CHL1: variants seen among roughly 807,000 people sequenced by gnomAD.
CHL1 encodes cell adhesion molecule L1 like, also known as neural cell adhesion molecule L1-like protein.
CHL1 carries 96 observed loss-of-function variants against 141.9 expected under a neutral mutation model. That is an observed-to-expected ratio of 0.68 (90% confidence interval 0.57 to 0.80). CHL1 has a LOEUF of 0.80. Among genes scored for constraint, CHL1 ranks in the 30% least tolerant of loss-of-function variants. The pLI, the probability that CHL1 is intolerant of heterozygous loss-of-function variation, is 0.00. For missense variants in CHL1, 1,820 were observed against 1,457.2 expected (o/e 1.25, Z -4.05); for synonymous variants, 613 against 502.2 (o/e 1.22, Z -2.95).
intron 2 of CHL1, among the ~76,000 whole-genome samples, chr3:287,266 G>C (rs989708801): frequency 6.6e-6 from 1 of 151,896 alleles, no homozygotes; most frequent in African/African-American, 2.4e-5. Flanking sequence ...AATTCTAGTA[G>C]GTCAGTGAAG....
chr3:360,799 A>T lies in CHL1; in HGVS notation c.1306+375A>T, dbSNP rs555388964. Reference sequence around the variant, plus strand: ...ATGTTCCCCTTCCTGTGTCCATGTGATCTCATTGTTCAATTCCCACCTATG... The same window carrying T: ...ATGTTCCCCTTCCTGTGTCCATGTGTTCTCATTGTTCAATTCCCACCTATG... On this transcript the variant is annotated intron_variant, in intron 12 of 27. Coordinates refer to ENST00000256509, the MANE Select transcript of CHL1 (RefSeq NM_006614.4). 7.6e-3 allele frequency among the ~76,000 whole-genome samples: 987 copies of T among 130,470 alleles called. 15 individuals carry two copies. Among genetic ancestry groups the T allele is most frequent in the African/African-American group, 0.028 (932 of 33,304 alleles). 85.6% of individuals were successfully genotyped at this position (130,470 alleles called of 152,430 possible).
chr3:357,230 C>G (rs886712757), intron 11 of CHL1, among the ~76,000 whole-genome samples: 1 of 152,180 alleles, frequency 6.6e-6, no homozygotes, highest in African/African-American at 2.4e-5. Context: ...GCCCTGCAAA[C>G]AGGTCGTAAA....
chr3:336,672 C>T (rs1441818236), intron 5 of CHL1, among the ~76,000 whole-genome samples: 1 of 152,138 alleles, frequency 6.6e-6, no homozygotes, highest in Non-Finnish European at 1.5e-5. Context: ...GGGCTAGAAC[C>T]TAGTTTATGC....
intron 16 of CHL1, among the ~76,000 whole-genome samples, chr3:380,092 A>C (rs1307336737): frequency 6.6e-6 from 1 of 152,220 alleles, no homozygotes; most frequent in East Asian, 1.9e-4. Flanking sequence ...TATCAGATGC[A>C]ATACACAGCC....
At position 406,112 on chromosome 3, in the gene CHL1, G is replaced by C. The variant is rs1323849994; in HGVS notation, c.*401G>C. On this transcript the variant is annotated 3_prime_UTR_variant, in exon 28 of 28. Coordinates refer to ENST00000256509, the MANE Select transcript of CHL1 (RefSeq NM_006614.4). ...TATACAGTCTCTGAGAACTGGCTTG[G>C]TGACTTTGCTTCACTACAGGTTAAA... The C allele has an allele frequency of 2.5e-5, 4 of 158,842 alleles. No homozygotes were observed. Among genetic ancestry groups the C allele is most frequent in the African/African-American group, 9.6e-5 (4 of 41,502 alleles). The allele number at this position is 158,842 out of a possible 1,614,324, so 9.8% of individuals were successfully genotyped here.
intron 5 of CHL1, among the ~76,000 whole-genome samples, chr3:337,180 C>CTTTTTTTTTTTTTTTTTTTTTTTTTTTTT (rs1490013935): frequency 8.8e-6 from 1 of 113,288 alleles, no homozygotes. Flanking sequence ...TCCAAACATT[C>CTTTTTTTTTTTTTTTTTTTTTTTTTTTTT]TTTTGTTTTT....
In CHL1 at chr3:360,353, C is replaced by T. The variant is rs1211453174; in HGVS notation, c.1235C>T (p.Thr412Ile). 5.0e-6 allele frequency: 8 copies of T among 1,613,740 alleles called. No individual in the cohort carries two copies. The highest frequency in any genetic ancestry group is 6.8e-6 in the Non-Finnish European group (8 of 1,179,730). ...ISFTNLQPNH[T>I]AVYQCEASNV... is the part of the protein sequence containing the mutation. ...TTTACCAACCTTCAACCAAATCATACTGCTGTGTACCAGTGTGAAGCCTCA... is the reference window on the plus strand; with the variant it reads ...TTTACCAACCTTCAACCAAATCATATTGCTGTGTACCAGTGTGAAGCCTCA... The change falls in exon 12 of 28, where the codon ACT becomes ATT. Residue 412 changes from threonine (T) to isoleucine (I), a missense_variant. Thr to Ile is a moderately conservative substitution (Grantham distance 89, BLOSUM62 -1). Transcript: ENST00000256509.
At chr3:227,302 A>G (rs1283004990) in intron 1 of CHL1, among the ~76,000 whole-genome samples, 3 of 152,236 alleles carry the variant, frequency 2.0e-5, no homozygotes, top group Non-Finnish European at 1.5e-5. Context: ...ATTCTAGTGA[A>G]GGAAATCCAA....
At chr3:378,962 A>T (rs549829003) in intron 16 of CHL1, among the ~76,000 whole-genome samples, 2 of 152,174 alleles carry the variant, frequency 1.3e-5, no homozygotes, top group Admixed American at 1.3e-4. Flanking sequence ...ACAGCTACAG[A>T]CATTTGTTCT....
intron 15 of CHL1, among the ~76,000 whole-genome samples, chr3:374,556 C>A (rs1706063159): frequency 6.6e-6 from 1 of 152,166 alleles, no homozygotes; most frequent in African/African-American, 2.4e-5. Flanking sequence ...TTTTACAGTT[C>A]CTGCAGGATC....
At chr3:371,201 G>A (rs897973526) in intron 15 of CHL1, among the ~76,000 whole-genome samples, 3 of 152,096 alleles carry the variant, frequency 2.0e-5, no homozygotes, top group South Asian at 2.1e-4. Flanking sequence ...TTGACAGTGG[G>A]TTGTTAAAGT....
At chr3:397,202 T>C (rs553298804) in intron 24 of CHL1, among the ~76,000 whole-genome samples, 1 of 152,260 alleles carries the variant, frequency 6.6e-6, no homozygotes, top group African/African-American at 2.4e-5. Context: ...GTTATACTAA[T>C]ATCTCTGTTT....
In CHL1 at chr3:390,603, G is replaced by GAA. The variant is rs1178382617; in HGVS notation, c.2471-98_2471-97insAA. 1.3e-5 allele frequency: 9 copies of GAA among 687,932 alleles called. No homozygotes were observed. In the East Asian group the frequency reaches 2.4e-4, roughly 18 times the overall value. 42.6% of individuals were successfully genotyped at this position (687,932 alleles called of 1,614,324 possible). On this transcript the variant is annotated intron_variant, in intron 20 of 27. Coordinates refer to ENST00000256509, the MANE Select transcript of CHL1 (RefSeq NM_006614.4). ...CATTTGGAGTGAATTTCACAAAAGT[G>GAA]CTTTCTCCAGAAGAAACATTATGAA...
At chr3:376,336 T>C (rs1273443011) in intron 15 of CHL1, 1 of 496,524 alleles carries the variant, frequency 2.0e-6, no homozygotes, top group South Asian at 1.5e-5. Context: ...CCAGGCTTCA[T>C]GTTCAAATGC....
intron 1 of CHL1, among the ~76,000 whole-genome samples, chr3:226,069 G>C (rs4685474): frequency 0.37 from 55,659 of 150,442 alleles, 10,663 homozygotes; most frequent in South Asian, 0.49. Flanking sequence ...TCGCCCAGGA[G>C]AGAGTGCGGA....
intron 1 of CHL1, among the ~76,000 whole-genome samples, chr3:242,183 G>GTA (rs900566640): frequency 7.2e-5 from 11 of 152,026 alleles, no homozygotes; most frequent in East Asian, 3.9e-4. Flanking sequence ...GTGTGTGTAT[G>GTA]TATATATATA....
Position 382,636 on chromosome 3 carries a change from G to C in CHL1, c.2141G>C (p.Ser714Thr), listed in dbSNP as rs545353654. 7.4e-5 allele frequency: 120 copies of C among 1,613,664 alleles called. 1 individual carries two copies. In the African/African-American group the frequency reaches 1.4e-3, roughly 18 times the overall value. The change falls in exon 18 of 28, where the codon AGC becomes ACC. Residue 714 changes from serine (S) to threonine (T), a missense_variant. Physicochemically the swap from Ser to Thr is moderately conservative, Grantham distance 58 (BLOSUM62 1). Coordinates refer to ENST00000256509, the MANE Select transcript of CHL1 (RefSeq NM_006614.4). ...AACGAAGTAGGGAGAAGTCAGCCTA[G>C]CCAGCCGTCAGACCATCATGAAACA... is the stretch of plus-strand genomic sequence containing the variant. The part of the protein sequence containing the change: ...AVNEVGRSQP[S>T]QPSDHHETPP...
chr3:274,060 A>G (rs905237957), intron 2 of CHL1, among the ~76,000 whole-genome samples: 3 of 152,154 alleles, frequency 2.0e-5, no homozygotes, highest in Non-Finnish European at 4.4e-5. Flanking sequence ...ACCAGTTTCC[A>G]TTCACTGACC....
At chr3:257,391 T>C (rs1188344613) in intron 2 of CHL1, among the ~76,000 whole-genome samples, 2 of 150,798 alleles carry the variant, frequency 1.3e-5, no homozygotes, top group Middle Eastern at 3.4e-3. Flanking sequence ...TCTCTCTCTG[T>C]AGTCCAGGCT....
Sources: gnomAD v4.1 joint callset for allele counts (sites outside exome capture counted in the v4.1 genomes callset) on GRCh38, gnomAD v4.1.1 for gene constraint, MANE v1.5 for transcripts, NCBI Gene and HGNC (gene_info 2026-07-23, HGNC 2026-07-21) for gene names.